Variants in YLPM1 observed in about 807,000 individuals in gnomAD.
YLPM1 encodes YLP motif-containing protein 1.
A neutral mutation model predicts 230.0 loss-of-function variants in YLPM1; 99 were observed. That is an observed-to-expected ratio of 0.43 (90% CI 0.37 to 0.51). The LOEUF is 0.51. Ranked by LOEUF, YLPM1 falls within the 20% of genes least tolerant of loss-of-function variation. The pLI is 0.00. For missense variants in YLPM1, 2,592 were observed against 2,707.7 expected, an observed-to-expected ratio of 0.96 and a Z score of 0.95; for synonymous variants, 984 against 942.5, an observed-to-expected ratio of 1.04 and a Z score of -0.81.
At position 74,798,603 on chromosome 14, in the gene YLPM1, CA is replaced by C; in HGVS notation, c.3307del (p.Arg1103GlyfsTer104). ...VPGGLQGSQD[R>X]GAAGSRERGP... ...CAGGTGGTCTTCAAGGGAGCCAGGACAGGGGTGCAGCTGGCAGCCGAGAAAG... is the reference window on the plus strand; with the variant it reads ...CAGGTGGTCTTCAAGGGAGCCAGGACGGGGTGCAGCTGGCAGCCGAGAAAG... On this transcript the variant is annotated frameshift_variant, in exon 5 of 21. Transcript: ENST00000325680. LOFTEE classifies it high-confidence loss of function. The C allele has an allele frequency of 6.2e-7, 1 of 1,612,600 alleles. No individual in the cohort carries two copies. The highest frequency in any genetic ancestry group is 8.5e-7 in the Non-Finnish European group (1 of 1,179,068).
intron 17 of YLPM1, chr14:74,822,067 T>C (rs1166253902): frequency 6.6e-6 from 1 of 152,226 alleles, no homozygotes; most frequent in Non-Finnish European, 1.5e-5. Context: ...TGTCAACCTC[T>C]ACATTCCAAG....
Position 74,809,717 on chromosome 14 carries a change from C to T in YLPM1, c.4859C>T (p.Pro1620Leu), listed in dbSNP as rs1235401597. Residue 1620 changes from proline (P) to leucine (L), a missense_variant, in exon 7 of 21, where the codon CCT becomes CTT. By Grantham distance (98) the Pro-to-Leu change is moderately conservative. Around this residue, in one of 4 missense-constraint regions of YLPM1, gnomAD observed 403 missense variants for 426.7 expected, o/e 0.94. Transcript: ENST00000325680. ...CCTGTTCACTCTTCCATTCCCCCTC[C>T]TGGCCCAGTGCCTATGGGTATGCCA... ...PPPVHSSIPP[P>L]GPVPMGMPPM... The T allele has an allele frequency of 3.7e-6, 6 of 1,613,964 alleles. No homozygotes were observed. In the Admixed American group the frequency reaches 5.0e-5, roughly 13 times the overall value.
chr14:74,811,517 A>G, intron 9 of YLPM1, 103 bp from the exon 10 acceptor site: 1 of 755,966 alleles, frequency 1.3e-6, no homozygotes, highest in East Asian at 2.9e-5. Flanking sequence ...TGTGTGGAGT[A>G]CCTTCCTATA....
Position 74,837,153 on chromosome 14 carries a change from A to G in YLPM1, c.*1415A>G, listed in dbSNP as rs1485104317. 3 of 152,240 alleles carry G rather than the reference A, an allele frequency of 2.0e-5. No individual in the cohort carries two copies. Among genetic ancestry groups the G allele is most frequent in the Admixed American group, 1.3e-4 (2 of 15,276 alleles). The allele number at this position is 152,240 out of a possible 1,614,324, so 9.4% of individuals were successfully genotyped here. Reference sequence around the variant, plus strand: ...ATCACTTTGGGTTCAACAAATTGATATTATAGTACTGAATACCCCTAATTT... The same window carrying G: ...ATCACTTTGGGTTCAACAAATTGATGTTATAGTACTGAATACCCCTAATTT... On this transcript the variant is annotated 3_prime_UTR_variant, in exon 21 of 21. Transcript: ENST00000325680.
At chr14:74,817,662 G>A (rs984480330) in intron 15 of YLPM1, among the ~76,000 whole-genome samples, 4 of 152,142 alleles carry the variant, frequency 2.6e-5, no homozygotes, top group African/African-American at 4.8e-5. Flanking sequence ...CTCTTGTCTG[G>A]AAGCTCTTGT....
chr14:74,810,086 G>A, intron 8 of YLPM1, 84 bp downstream of exon 8: 1 of 1,470,058 alleles, frequency 6.8e-7, no homozygotes, highest in Non-Finnish European at 9.1e-7. Flanking sequence ...GATTATCTGA[G>A]CCTCCATTTA....
At chr14:74,779,505 G>T (rs1352874560) in intron 2 of YLPM1, among the ~76,000 whole-genome samples, 3 of 152,024 alleles carry the variant, frequency 2.0e-5, no homozygotes, top group African/African-American at 7.2e-5. Flanking sequence ...TTGGTCCAAA[G>T]GTCATTGTTC....
intron 6 of YLPM1, among the ~76,000 whole-genome samples, chr14:74,802,967 T>G (rs919727222): frequency 1.3e-5 from 2 of 152,056 alleles, no homozygotes; most frequent in African/African-American, 4.8e-5. Flanking sequence ...TATGTTAAAA[T>G]AGTCCTGTTG....
chr14:74,805,264 A>G (rs1333763325), intron 6 of YLPM1, among the ~76,000 whole-genome samples: 9 of 151,578 alleles, frequency 5.9e-5, no homozygotes. Flanking sequence ...CAGGTGATCC[A>G]CCTGCCTCAG....
rs1566740759 is a variant in YLPM1, at chr14:74,778,699, ATTGT to A, written c.1110+21_1110+24del. 3 of 1,530,004 alleles carry A rather than the reference ATTGT, an allele frequency of 2.0e-6. No homozygotes were observed. The allele number at this position is 1,530,004 out of a possible 1,614,324, so 94.8% of individuals were successfully genotyped here. On this transcript the variant is annotated intron_variant, in intron 2 of 20. Coordinates refer to ENST00000325680, the MANE Select transcript of YLPM1 (RefSeq NM_019589.3). ...GGAACCCCAGGTAACCATATAATTA[ATTGT>A]TTGTGTTTATTAAATTATTTAGCTT...
intron 4 of YLPM1, among the ~76,000 whole-genome samples, chr14:74,789,922 C>G (rs763015636): frequency 1.3e-5 from 2 of 150,260 alleles, no homozygotes; most frequent in African/African-American, 4.9e-5. Flanking sequence ...CCATGTGCAG[C>G]CTTTTTTTTT....
intron 19 of YLPM1, among the ~76,000 whole-genome samples, chr14:74,832,323 G>A (rs777071921): frequency 6.6e-6 from 1 of 152,148 alleles, no homozygotes; most frequent in Non-Finnish European, 1.5e-5. Flanking sequence ...CGAAGTCTAT[G>A]AATGAGTCCT....
chr14:74,769,086 A>T lies in YLPM1; in HGVS notation c.873+4724A>T, dbSNP rs200990090. 1.0e-3 allele frequency among the ~76,000 whole-genome samples: 152 copies of T among 149,620 alleles called. 4 individuals carry two copies. The East Asian group carries it at 0.028, about 28-fold the overall frequency. Reference sequence around the variant, plus strand: ...TTTTTATTTTATTTTATTTATTTTTATTTTTTTGAGATGGAGTCTCGCTCT... The same window carrying T: ...TTTTTATTTTATTTTATTTATTTTTTTTTTTTTGAGATGGAGTCTCGCTCT... On this transcript the variant is annotated intron_variant, in intron 1 of 20. Transcript: ENST00000325680.
intron 7 of YLPM1, 30 bp downstream of exon 7, chr14:74,809,827 G>T: frequency 6.2e-7 from 1 of 1,611,494 alleles, no homozygotes; most frequent in Non-Finnish European, 8.5e-7. Context: ...TTGTATTTGG[G>T]ATTCTACAGG....
At chr14:74,772,422 G>A (rs913667462) in intron 1 of YLPM1, among the ~76,000 whole-genome samples, 1 of 151,512 alleles carries the variant, frequency 6.6e-6, no homozygotes, top group Admixed American at 6.6e-5. Flanking sequence ...GTGGCGCGAG[G>A]ATCTGGGCTC....
At chr14:74,773,458 T>C (rs1400467150) in intron 1 of YLPM1, among the ~76,000 whole-genome samples, 1 of 152,194 alleles carries the variant, frequency 6.6e-6, no homozygotes, top group Non-Finnish European at 1.5e-5. Flanking sequence ...TTCTGTACAG[T>C]CTTCATATCT....
In YLPM1 at chr14:74,815,299, T is replaced by C. The variant is rs1303361731; in HGVS notation, c.5503-904T>C. 2.6e-5 allele frequency among the ~76,000 whole-genome samples: 4 copies of C among 152,228 alleles called. No homozygotes were observed. In the East Asian group the frequency reaches 7.7e-4, roughly 29 times the overall value. On this transcript the variant is annotated intron_variant, in intron 11 of 20. Transcript: ENST00000325680. Reference sequence around the variant, plus strand: ...GATCTTAGTCAGGCGTGGTGGCTCATGCCTGTCATCCCAGCACTTTGGGAG... The same window carrying C: ...GATCTTAGTCAGGCGTGGTGGCTCACGCCTGTCATCCCAGCACTTTGGGAG...
At chr14:74,772,603 C>T (rs1033233681) in intron 1 of YLPM1, among the ~76,000 whole-genome samples, 13 of 152,198 alleles carry the variant, frequency 8.5e-5, no homozygotes, top group East Asian at 1.9e-4. Flanking sequence ...GTGATCCGCC[C>T]GCCTTGGCCT....
Position 74,812,631 on chromosome 14 carries a change from A to G in YLPM1, c.5351A>G (p.Glu1784Gly), listed in dbSNP as rs1176670535. ...VYEGPSMFGG[E>G]RRTYPEERMP... is the part of the protein sequence containing the mutation. ...TGTTCAACTGCTGGAATCCTAGGAG[A>G]ACGAAGGACTTATCCTGAGGAGCGA... Residue 1784 changes from glutamate to glycine, a missense_variant, in exon 11 of 21, where the codon GAA becomes GGA. Transcript: ENST00000325680. 2 of 1,610,660 alleles carry G rather than the reference A, an allele frequency of 1.2e-6. No homozygotes were observed. The highest frequency in any genetic ancestry group is 1.7e-6 in the Non-Finnish European group (2 of 1,178,676).
Sources: allele counts gnomAD v4.1 joint callset (sites outside exome capture counted in the v4.1 genomes callset), GRCh38; gene constraint gnomAD v4.1.1; regional missense constraint gnomAD v4.1.1; transcripts MANE v1.5; gene names NCBI Gene and HGNC (gene_info 2026-07-23, HGNC 2026-07-21).